PKHD1: variants seen among roughly 807,000 people sequenced by gnomAD.
PKHD1 encodes PKHD1 ciliary IPT domain containing fibrocystin/polyductin.
A neutral mutation model predicts 412.0 loss-of-function variants in PKHD1; 291 were observed. The observed-to-expected ratio is 0.71, with a 90% CI of 0.64 to 0.78. The LOEUF (loss-of-function observed/expected upper bound fraction) is 0.78, where lower values mean the gene tolerates loss of function less well. PKHD1 is among the 30% of genes least tolerant of loss of function. PKHD1 has a pLI of 0.00. For synonymous variants in PKHD1, 1,777 were observed against 1,821.5 expected, an observed-to-expected ratio of 0.98 and a Z score of 0.62; for missense variants, 4,825 against 4,950.7, an observed-to-expected ratio of 0.97 and a Z score of 0.76.
intron 35 of PKHD1, among the ~76,000 whole-genome samples, chr6:51,993,471 GCAAT>G (rs1797292287): frequency 6.6e-6 from 1 of 152,236 alleles, no homozygotes; most frequent in Non-Finnish European, 1.5e-5. Flanking sequence ...CGTGGGACAG[GCAAT>G]CAGTGTCTTT....
intron 60 of PKHD1, among the ~76,000 whole-genome samples, chr6:51,699,920 A>AGTGTGTATGTGTGTGTGTGTGT (rs57760395): frequency 0.12 from 16,049 of 137,650 alleles, 1,493 homozygotes; most frequent in East Asian, 0.16. Context: ...ATATATATGG[A>AGTGTGTATGTGTGTGTGTGTGT]GTGTGTGTGT....
chr6:52,010,060 G>C (rs1562121288), intron 35 of PKHD1, among the ~76,000 whole-genome samples: 1 of 151,986 alleles, frequency 6.6e-6, no homozygotes, highest in Non-Finnish European at 1.5e-5. Context: ...AAAATGCCAA[G>C]CAGATTATCT....
intron 52 of PKHD1, among the ~76,000 whole-genome samples, chr6:51,806,699 T>C (rs1763840768): frequency 6.6e-6 from 1 of 152,116 alleles, no homozygotes; most frequent in African/African-American, 2.4e-5. Context: ...ATGAGGGTTT[T>C]TTTTTAATTC....
chr6:51,960,768 C>T (rs545261902), intron 35 of PKHD1, among the ~76,000 whole-genome samples: 7 of 152,148 alleles, frequency 4.6e-5, no homozygotes, highest in African/African-American at 1.2e-4. Context: ...ACAGAAGAAG[C>T]CAGAAAAGGA....
chr6:51,841,423 T>C (rs148114062), intron 50 of PKHD1, among the ~76,000 whole-genome samples: 259 of 152,282 alleles, frequency 1.7e-3, no homozygotes, highest in African/African-American at 5.9e-3. Flanking sequence ...TTCCTTCCTT[T>C]TCTCCTTCTC....
chr6:51,928,112 T>C (rs187557410), intron 37 of PKHD1, among the ~76,000 whole-genome samples: 42 of 152,210 alleles, frequency 2.8e-4, no homozygotes, highest in African/African-American at 8.2e-4. Flanking sequence ...ATACTGACAA[T>C]ATGAAATAAG....
At chr6:51,937,078 C>A (rs1026534692) in intron 36 of PKHD1, among the ~76,000 whole-genome samples, 6 of 152,222 alleles carry the variant, frequency 3.9e-5, no homozygotes, top group Non-Finnish European at 5.9e-5. Flanking sequence ...GAGGCTTCAT[C>A]TGCATAATAA....
chr6:51,692,675 G>A (rs554698953), intron 60 of PKHD1, among the ~76,000 whole-genome samples: 1 of 152,124 alleles, frequency 6.6e-6, no homozygotes, highest in East Asian at 1.9e-4. Flanking sequence ...ACTGACAGAT[G>A]CATAAGTTTT....
At chr6:51,643,871 G>T (rs1028322113) in intron 63 of PKHD1, among the ~76,000 whole-genome samples, 4 of 151,326 alleles carry the variant, frequency 2.6e-5, no homozygotes, top group Non-Finnish European at 5.9e-5. Flanking sequence ...ATCTCTGACA[G>T]GCCCCAGTGT....
intron 63 of PKHD1, among the ~76,000 whole-genome samples, chr6:51,647,719 T>G (rs1220561517): frequency 6.6e-6 from 1 of 152,098 alleles, no homozygotes; most frequent in African/African-American, 2.4e-5. Flanking sequence ...GTAGAAAACC[T>G]AGGATTTGAT....
intron 54 of PKHD1, among the ~76,000 whole-genome samples, chr6:51,773,579 C>G (rs558578190): frequency 6.6e-6 from 1 of 151,300 alleles, no homozygotes; most frequent in South Asian, 2.1e-4. Flanking sequence ...TATGAATATA[C>G]TAATATATAT....
chr6:51,985,158 A>C (rs912759329), intron 35 of PKHD1, among the ~76,000 whole-genome samples: 17 of 152,380 alleles, frequency 1.1e-4, no homozygotes, highest in Non-Finnish European at 2.1e-4. Flanking sequence ...AAAATTAGAA[A>C]AAAACTACAT....
chr6:51,684,871 A>G lies in PKHD1; in HGVS notation c.10157-24902T>C, dbSNP rs139487176. 1.2e-4 allele frequency among the ~76,000 whole-genome samples: 18 copies of G among 152,194 alleles called. No homozygotes were observed. The East Asian group carries it at 3.5e-3, about 29-fold the overall frequency. ...GGACAGTTCATGTGCTTTCCATTGGACTTGCTCTGTGTCAAAGGCCAATTT... is the reference window on the plus strand; with the variant it reads ...GGACAGTTCATGTGCTTTCCATTGGGCTTGCTCTGTGTCAAAGGCCAATTT... On this transcript the variant is annotated intron_variant, in intron 60 of 66. Coordinates refer to ENST00000371117, the MANE Select transcript of PKHD1 (RefSeq NM_138694.4).
intron 50 of PKHD1, among the ~76,000 whole-genome samples, chr6:51,838,776 T>C (rs1769676275): frequency 6.6e-6 from 1 of 152,178 alleles, no homozygotes; most frequent in African/African-American, 2.4e-5. Context: ...GAATCCTGGC[T>C]CTTCTGGTTC....
intron 65 of PKHD1, among the ~76,000 whole-genome samples, chr6:51,632,335 G>T (rs911108688): frequency 6.6e-6 from 1 of 152,068 alleles, no homozygotes; most frequent in African/African-American, 2.4e-5. Flanking sequence ...GTGTTCCATA[G>T]TGAGTATTTA....
chr6:52,028,351 C>T lies in PKHD1; in HGVS notation c.3365G>A (p.Gly1122Asp). Residue 1122 changes from glycine (G) to aspartate (D), a missense_variant and splice_region_variant, in exon 30 of 67, where the codon GGC becomes GAC. Physicochemically the swap from Gly to Asp is moderately conservative, Grantham distance 94. Coordinates refer to ENST00000371117, the MANE Select transcript of PKHD1 (RefSeq NM_138694.4). ...TLSRNISNIAGGETLVIGVAR... is the reference protein window; with the variant it reads ...TLSRNISNIADGETLVIGVAR... ...CACTCCAATGACCAGGGTCTCACCG[C>T]CTGTGTTGAGAAGAATCCAATAGCC... The T allele has an allele frequency of 6.2e-7, 1 of 1,613,294 alleles. No homozygotes were observed. The highest frequency in any genetic ancestry group is 1.1e-5 in the South Asian group (1 of 91,052).
At chr6:51,982,934 G>A (rs1457002179) in intron 35 of PKHD1, among the ~76,000 whole-genome samples, 7 of 107,906 alleles carry the variant, frequency 6.5e-5, no homozygotes, top group East Asian at 2.7e-4. Context: ...TAACCACATC[G>A]GACGCCTTTG....
chr6:51,826,848 C>G (rs542111313), intron 52 of PKHD1, among the ~76,000 whole-genome samples: 10 of 152,052 alleles, frequency 6.6e-5, no homozygotes, highest in East Asian at 3.9e-4. Flanking sequence ...TTTATTAGTA[C>G]AGTAAAGTCC....
intron 35 of PKHD1, among the ~76,000 whole-genome samples, chr6:51,970,891 C>A (rs747304648): frequency 1.3e-5 from 2 of 152,182 alleles, no homozygotes; most frequent in Non-Finnish European, 2.9e-5. Context: ...TATGATACCT[C>A]CAGCTTTGTT....
Sources: gnomAD v4.1 joint callset for allele counts (sites outside exome capture counted in the v4.1 genomes callset) on GRCh38, gnomAD v4.1.1 for gene constraint, MANE v1.5 for transcripts, NCBI Gene and HGNC (gene_info 2026-07-23, HGNC 2026-07-21) for gene names.